Variants in PDLIM5 observed in about 807,000 individuals in gnomAD.
PDLIM5 encodes PDZ and LIM domain protein 5.
In PDLIM5, 34 loss-of-function variants were observed where a neutral mutation model predicts 64.2. The observed-to-expected ratio is 0.53, with a 90% confidence interval of 0.40 to 0.71. The LOEUF is 0.71. Among genes scored for constraint, PDLIM5 ranks in the 30% least tolerant of loss-of-function variants. The pLI is 0.00. For synonymous variants in PDLIM5, 253 were observed against 269.1 expected (o/e 0.94, Z 0.59); for missense variants, 683 against 733.6 (o/e 0.93, Z 0.80).
At chr4:94,559,792 G>C (rs1188991454) in intron 3 of PDLIM5, among the ~76,000 whole-genome samples, 2 of 152,158 alleles carry the variant, frequency 1.3e-5, no homozygotes, top group Non-Finnish European at 2.9e-5. Context: ...TTGCCATTAT[G>C]ACTGGGCCTT....
chr4:94,602,321 A>G (rs569068765), intron 7 of PDLIM5, among the ~76,000 whole-genome samples: 1 of 152,334 alleles, frequency 6.6e-6, no homozygotes, highest in Non-Finnish European at 1.5e-5. Context: ...CATTATTTTT[A>G]AGATTTTTTT....
intron 2 of PDLIM5, among the ~76,000 whole-genome samples, chr4:94,461,222 C>T (rs893378706): frequency 6.6e-6 from 1 of 152,156 alleles, no homozygotes; most frequent in East Asian, 1.9e-4. Flanking sequence ...AGATGAGACT[C>T]TAGGCCTTTA....
At chr4:94,455,160 A>AC (rs1723219811) in intron 1 of PDLIM5, 87 bp from the exon 2 acceptor site, 1 of 603,592 alleles carries the variant, frequency 1.7e-6, no homozygotes. Flanking sequence ...ATATCCTCTC[A>AC]CCCCCCTCAA....
At chr4:94,518,985 A>G (rs1729600564) in intron 2 of PDLIM5, among the ~76,000 whole-genome samples, 2 of 152,106 alleles carry the variant, frequency 1.3e-5, no homozygotes, top group Admixed American at 6.6e-5. Context: ...CTTTTGGTAC[A>G]GTGGCAACAC....
chr4:94,593,809 G>A (rs972399369), intron 7 of PDLIM5, among the ~76,000 whole-genome samples: 1 of 152,052 alleles, frequency 6.6e-6, no homozygotes, highest in Admixed American at 6.6e-5. Flanking sequence ...TTCTTAAGTA[G>A]AATCATTGAC....
In PDLIM5 at chr4:94,523,951, GT is replaced by G. The variant is rs1730094768; in HGVS notation, c.248+78del. On this transcript the variant is annotated intron_variant, in intron 3 of 12. Transcript: ENST00000317968. ...TGTTTTTGTGTGTCTGACTCACGGT[GT>G]TAACTAAGACTCAGTTTCTGCTACC... 1.9e-5 allele frequency: 20 copies of G among 1,028,916 alleles called. No individual in the cohort carries two copies. In the South Asian group the frequency reaches 3.1e-4, roughly 16 times the overall value. 63.7% of individuals were successfully genotyped at this position (1,028,916 alleles called of 1,614,324 possible).
chr4:94,509,532 A>AGAAT (rs1215554296), intron 2 of PDLIM5, among the ~76,000 whole-genome samples: 1 of 152,210 alleles, frequency 6.6e-6, no homozygotes, highest in East Asian at 1.9e-4. Flanking sequence ...GTTGAATGAT[A>AGAAT]GAATGAATGA....
intron 2 of PDLIM5, among the ~76,000 whole-genome samples, chr4:94,466,696 C>T (rs959116877): frequency 1.2e-4 from 18 of 152,320 alleles, no homozygotes; most frequent in South Asian, 4.1e-4. Flanking sequence ...TTTTCTCTAA[C>T]TGCCAGCCTC....
intron 1 of PDLIM5, among the ~76,000 whole-genome samples, chr4:94,454,926 C>T (rs542980831): frequency 6.6e-6 from 1 of 152,218 alleles, no homozygotes; most frequent in Non-Finnish European, 1.5e-5. Flanking sequence ...AATCTTGCTA[C>T]ATTAGTGAAG....
At chr4:94,564,004 C>G (rs1419293968) in intron 3 of PDLIM5, among the ~76,000 whole-genome samples, 1 of 143,696 alleles carries the variant, frequency 7.0e-6, no homozygotes, top group South Asian at 2.3e-4. Context: ...TACTCTGTCT[C>G]CCAGGCTGAA....
At position 94,564,812 on chromosome 4, in the gene PDLIM5, C is replaced by T. The variant is rs575870969; in HGVS notation, c.249-8539C>T. Among the ~76,000 whole-genome samples, 248 of 151,884 alleles carry T rather than the reference C, an allele frequency of 1.6e-3. 1 individual carries two copies. The highest frequency in any genetic ancestry group is 2.5e-3 in the Non-Finnish European group (169 of 67,970). On this transcript the variant is annotated intron_variant, in intron 3 of 12. Coordinates refer to ENST00000317968, the MANE Select transcript of PDLIM5 (RefSeq NM_006457.5). ...CTAGGACTACAGGTGAGTGCCACCA[C>T]GCCCAGCTAATTTTTTTGTATTTTT...
chr4:94,627,389 T>A (rs564454097), intron 8 of PDLIM5, among the ~76,000 whole-genome samples: 49 of 152,268 alleles, frequency 3.2e-4, no homozygotes, highest in Non-Finnish European at 6.3e-4. Flanking sequence ...AGGCTTCATC[T>A]GTGAAAGCTG....
intron 9 of PDLIM5, among the ~76,000 whole-genome samples, chr4:94,645,993 A>G (rs902671969): frequency 6.6e-6 from 1 of 152,196 alleles, no homozygotes; most frequent in Non-Finnish European, 1.5e-5. Context: ...TGTACAGCAT[A>G]TATGTATTCT....
chr4:94,573,486 A>T, intron 4 of PDLIM5, 93 bp downstream of exon 4: 1 of 999,754 alleles, frequency 1.0e-6, no homozygotes, highest in Non-Finnish European at 1.6e-6. Flanking sequence ...ACTGACATTC[A>T]TTTAATTTAT....
intron 5 of PDLIM5, among the ~76,000 whole-genome samples, 200 bp downstream of exon 5, chr4:94,576,234 T>A (rs531711251): frequency 6.6e-5 from 10 of 152,294 alleles, no homozygotes; most frequent in Admixed American, 5.9e-4. Context: ...AAAAGCTACT[T>A]GTGCATTTTG....
intron 3 of PDLIM5, among the ~76,000 whole-genome samples, chr4:94,560,121 T>A (rs535539058): frequency 6.6e-6 from 1 of 152,318 alleles, no homozygotes; most frequent in South Asian, 2.1e-4. Flanking sequence ...CATGTAATTC[T>A]AGGTCATGGT....
chr4:94,560,857 G>T (rs1733776642), intron 3 of PDLIM5, among the ~76,000 whole-genome samples: 1 of 152,128 alleles, frequency 6.6e-6, no homozygotes, highest in Admixed American at 6.6e-5. Flanking sequence ...CTCCTGAGTA[G>T]CTGGGACTAC....
chr4:94,637,294 CT>C (rs1740649410), intron 8 of PDLIM5, among the ~76,000 whole-genome samples: 2 of 152,204 alleles, frequency 1.3e-5, no homozygotes, highest in Non-Finnish European at 1.5e-5. Flanking sequence ...GGCGTGGTGG[CT>C]GATGCCTGTG....
At chr4:94,631,052 C>T (rs1161897546) in intron 8 of PDLIM5, among the ~76,000 whole-genome samples, 1 of 149,660 alleles carries the variant, frequency 6.7e-6, no homozygotes, top group Non-Finnish European at 1.5e-5. Context: ...TAGGTGCATG[C>T]CACCATGCCA....
Sources: allele counts gnomAD v4.1 joint callset (sites outside exome capture counted in the v4.1 genomes callset), GRCh38; gene constraint gnomAD v4.1.1; transcripts MANE v1.5; gene names NCBI Gene and HGNC (gene_info 2026-07-23, HGNC 2026-07-21).